TRIM9: variants seen among roughly 807,000 people sequenced by gnomAD.
TRIM9 encodes tripartite motif containing 9, also known as E3 ubiquitin-protein ligase TRIM9.
TRIM9 carries 26 observed loss-of-function variants against 78.3 expected under a neutral mutation model. The ratio of observed to expected loss-of-function variants is 0.33; its 90% confidence interval spans 0.24 to 0.46. The LOEUF (loss-of-function observed/expected upper bound fraction) is 0.46. Among genes scored for constraint, TRIM9 ranks in the 20% least tolerant of loss-of-function variants. The pLI is 1.00. For synonymous variants in TRIM9, 398 were observed against 416.5 expected (o/e 0.96, Z 0.54); for missense variants, 787 against 1,036.4 (o/e 0.76, Z 3.30).
chr14:51,037,987 T>C (rs1194265567), intron 1 of TRIM9, among the ~76,000 whole-genome samples: 5 of 152,158 alleles, frequency 3.3e-5, no homozygotes, highest in African/African-American at 9.6e-5. Context: ...CTGGGTTCAA[T>C]CTCCTGCATG....
chr14:51,034,361 C>T (rs2058974535), intron 1 of TRIM9, among the ~76,000 whole-genome samples: 1 of 152,080 alleles, frequency 6.6e-6, no homozygotes, highest in East Asian at 1.9e-4. Flanking sequence ...GAAAAAGGGT[C>T]CCTTCTCCTC....
intron 3 of TRIM9, among the ~76,000 whole-genome samples, chr14:51,018,525 T>C (rs2057442917): frequency 6.6e-6 from 1 of 152,156 alleles, no homozygotes; most frequent in Non-Finnish European, 1.5e-5. Context: ...TTGGCAAACA[T>C]AATGGGATCA....
chr14:51,043,468 G>A (rs776675763), intron 1 of TRIM9, among the ~76,000 whole-genome samples: 4 of 152,260 alleles, frequency 2.6e-5, no homozygotes, highest in South Asian at 2.1e-4. Context: ...TGAAATGCCT[G>A]TTGGCCCCAT....
At chr14:50,983,840 C>T (rs2052327836) in intron 8 of TRIM9, among the ~76,000 whole-genome samples, 1 of 152,216 alleles carries the variant, frequency 6.6e-6, no homozygotes, top group Non-Finnish European at 1.5e-5. Context: ...GCCAAAAGGT[C>T]TTCATTGTGA....
intron 1 of TRIM9, among the ~76,000 whole-genome samples, chr14:51,033,960 A>G (rs2058937746): frequency 6.6e-6 from 1 of 152,248 alleles, no homozygotes; most frequent in African/African-American, 2.4e-5. Flanking sequence ...GCTATCATAT[A>G]CATGTATCTG....
intron 1 of TRIM9, among the ~76,000 whole-genome samples, chr14:51,072,992 ATT>A (rs34673300): frequency 2.0e-5 from 3 of 150,216 alleles, no homozygotes; most frequent in Non-Finnish European, 4.4e-5. Context: ...TGTTTTATTT[ATT>A]TTTTTTTTGG....
intron 1 of TRIM9, among the ~76,000 whole-genome samples, chr14:51,082,122 T>A (rs1303547364): frequency 6.6e-6 from 1 of 152,122 alleles, no homozygotes; most frequent in Non-Finnish European, 1.5e-5. Context: ...CCAGCTCCCA[T>A]CCTGAGGGGA....
intron 1 of TRIM9, among the ~76,000 whole-genome samples, chr14:51,066,083 A>G (rs11157793): frequency 0.34 from 23,333 of 68,098 alleles, 2,620 homozygotes; most frequent in Middle Eastern, 0.46. Flanking sequence ...GAAGGAAGGA[A>G]GGAAGGAGGG....
In TRIM9 at chr14:51,009,153, C is replaced by T. The variant is rs767077541; in HGVS notation, c.1233G>A (p.Thr411=). ...TGTTGTCCAGACTCAAGTCAAAGTC[C>T]GTGGTCATCCTTGGAGTGAGTGTGC... ...GKGTLTPRMT[T]DFDLSLDNSP... is the part of the protein sequence containing the mutation. Residue 411 remains threonine, a synonymous_variant, in exon 5 of 13, where the codon ACG becomes ACA. Transcript: ENST00000684578. 1.2e-5 allele frequency: 20 copies of T among 1,613,986 alleles called. No individual in the cohort carries two copies. Among genetic ancestry groups the T allele is most frequent in the Middle Eastern group, 3.3e-4 (2 of 6,084 alleles).
intron 1 of TRIM9, among the ~76,000 whole-genome samples, chr14:51,053,701 C>T (rs1357904758): frequency 1.3e-5 from 2 of 149,208 alleles, no homozygotes; most frequent in East Asian, 2.0e-4. Flanking sequence ...CACCCACTAA[C>T]GTGTCATCTA....
chr14:51,080,753 T>C (rs2063229634), intron 1 of TRIM9, among the ~76,000 whole-genome samples: 1 of 152,156 alleles, frequency 6.6e-6, no homozygotes, highest in African/African-American at 2.4e-5. Context: ...GAGCCAAAGA[T>C]GACAAGAACC....
In TRIM9 at chr14:51,015,444, G is replaced by A. The variant is rs1446619004; in HGVS notation, c.1042-4950C>T. On this transcript the variant is annotated intron_variant, in intron 3 of 12. Transcript: ENST00000684578. ...CCATTTACCTCTCCATTTTACATGT[G>A]GTTCTTTTAAAATTTTTCTTTATCT... is the stretch of plus-strand genomic sequence containing the variant. 2.1e-5 allele frequency among the ~76,000 whole-genome samples: 3 copies of A among 145,306 alleles called. No homozygotes were observed. In the East Asian group the frequency reaches 6.1e-4, roughly 30 times the overall value.
intron 3 of TRIM9, among the ~76,000 whole-genome samples, chr14:51,012,867 C>A (rs1281909697): frequency 2.0e-5 from 3 of 152,148 alleles, no homozygotes; most frequent in Admixed American, 1.3e-4. Context: ...CGCTGCTAAT[C>A]AGGTCTTTGC....
rs138680353 is a variant in TRIM9 at position 51,037,491 on chromosome 14, A to G, written c.823-12131T>C. 6.4e-3 allele frequency among the ~76,000 whole-genome samples: 969 copies of G among 152,206 alleles called. 2 individuals carry two copies. Among genetic ancestry groups the G allele is most frequent in the Non-Finnish European group, 9.8e-3 (667 of 67,990 alleles). ...CATACACTTTAAAAGCTAACTCACA[A>G]TGGTGATCAGATCAGAAAAGAAAGA... On this transcript the variant is annotated intron_variant, in intron 1 of 12. Coordinates refer to ENST00000684578, the MANE Select transcript of TRIM9 (RefSeq NM_001387360.1).
chr14:51,013,388 T>C (rs2056809036), intron 3 of TRIM9, among the ~76,000 whole-genome samples: 2 of 152,194 alleles, frequency 1.3e-5, no homozygotes, highest in East Asian at 3.9e-4. Context: ...GTGGTCTATA[T>C]ATCTGTCTTT....
chr14:51,018,806 C>A (rs1451238440), intron 3 of TRIM9, among the ~76,000 whole-genome samples: 1 of 152,126 alleles, frequency 6.6e-6, no homozygotes, highest in Admixed American at 6.5e-5. Context: ...AATTTTTCCC[C>A]AGAATCATTT....
At chr14:51,024,183 C>G (rs1300962083) in intron 2 of TRIM9, among the ~76,000 whole-genome samples, 2 of 152,184 alleles carry the variant, frequency 1.3e-5, no homozygotes, top group African/African-American at 4.8e-5. Context: ...AGCTCTGTCA[C>G]TGATTTAGAG....
At chr14:50,988,644 G>A (rs890884766) in intron 7 of TRIM9, among the ~76,000 whole-genome samples, 7 of 144,434 alleles carry the variant, frequency 4.8e-5, no homozygotes, top group East Asian at 2.0e-4. Flanking sequence ...GGCTTTTACC[G>A]TATTTTCTCT....
At chr14:51,077,243 C>A (rs1221820668) in intron 1 of TRIM9, among the ~76,000 whole-genome samples, 1 of 152,124 alleles carries the variant, frequency 6.6e-6, no homozygotes, top group Non-Finnish European at 1.5e-5. Flanking sequence ...CTTTTAGGAG[C>A]TGGGAGGATG....
Sources: gnomAD v4.1 joint callset for allele counts (sites outside exome capture counted in the v4.1 genomes callset) on GRCh38, gnomAD v4.1.1 for gene constraint, MANE v1.5 for transcripts, NCBI Gene and HGNC (gene_info 2026-07-23, HGNC 2026-07-21) for gene names.